Variants in LAMA4 observed in about 807,000 individuals in gnomAD.
LAMA4 encodes laminin subunit alpha-4.
LAMA4 carries 127 observed loss-of-function variants against 207.1 expected under a neutral mutation model. The observed-to-expected ratio is 0.61, with a 90% CI of 0.53 to 0.71. The LOEUF is 0.71. Among genes scored for constraint, LAMA4 ranks in the 30% least tolerant of loss-of-function variants. The pLI is 0.00. For synonymous variants in LAMA4, 761 were observed against 816.0 expected (o/e 0.93, Z 1.15); for missense variants, 2,093 against 2,246.5 (o/e 0.93, Z 1.38).
At chr6:112,213,857 T>G in intron 3 of LAMA4, 1 of 448,706 alleles carries the variant, frequency 2.2e-6, no homozygotes. Flanking sequence ...TAAGACAAAA[T>G]GAAATAAAAG....
At chr6:112,230,288 C>T (rs1297529300) in intron 2 of LAMA4, among the ~76,000 whole-genome samples, 8 of 152,162 alleles carry the variant, frequency 5.3e-5, no homozygotes, top group African/African-American at 1.9e-4. Flanking sequence ...ATTGATCTGC[C>T]ATGGGCATGA....
At chr6:112,175,287 G>A (rs1554343233) in intron 11 of LAMA4, 26 bp downstream of exon 11, 3 of 1,612,008 alleles carry the variant, frequency 1.9e-6, no homozygotes, top group South Asian at 2.2e-5. Context: ...CATGTGCTGG[G>A]TCAGCTATGA....
rs150252322 is a variant in LAMA4, at chr6:112,248,633, A to T, written c.195+5323T>A. On this transcript the variant is annotated intron_variant, in intron 2 of 38. Transcript: ENST00000230538. Reference sequence around the variant, plus strand: ...GGAATGGAATTCTTTACTTTTTAGCAATGTTATAATAAATTCCATAACATA... The same window carrying T: ...GGAATGGAATTCTTTACTTTTTAGCTATGTTATAATAAATTCCATAACATA... Among the ~76,000 whole-genome samples, 328 of 152,326 alleles carry T rather than the reference A, an allele frequency of 2.2e-3. 1 individual carries two copies. The highest frequency in any genetic ancestry group is 3.7e-3 in the Non-Finnish European group (251 of 68,032).
At chr6:112,157,758 T>C (rs1780805992) in intron 14 of LAMA4, among the ~76,000 whole-genome samples, 1 of 152,206 alleles carries the variant, frequency 6.6e-6, no homozygotes, top group South Asian at 2.1e-4. Flanking sequence ...TAATATAGTA[T>C]ATTATCAAAA....
intron 35 of LAMA4, 44 bp from the exon 36 acceptor site, chr6:112,116,037 T>C (rs1248937986): frequency 6.4e-7 from 1 of 1,553,668 alleles, no homozygotes. Flanking sequence ...AGCAAGATCA[T>C]ATTTGTAACT....
Position 112,254,131 on chromosome 6 carries a change from C to A in LAMA4, c.20G>T (p.Trp7Leu), listed in dbSNP as rs1554190577. 1.2e-6 allele frequency: 2 copies of A among 1,612,982 alleles called. No individual in the cohort carries two copies. Among genetic ancestry groups the A allele is most frequent in the Admixed American group, 1.7e-5 (1 of 60,004 alleles). The change falls in exon 2 of 39, where the codon TGG (tryptophan) becomes TTG (leucine). Residue 7 changes from tryptophan to leucine, a missense_variant. Physicochemically the swap from Trp to Leu is moderately conservative, Grantham distance 61. Around this residue, in one of 3 missense-constraint regions of LAMA4, gnomAD observed 1,704 missense variants for 1,788.4 expected, o/e 0.95. Coordinates refer to ENST00000230538, the MANE Select transcript of LAMA4 (RefSeq NM_001105206.3). The part of the protein sequence containing the change: MALSSA[W>L]RSVLPLWLLW... ...GAGCCACAGAGGCAGAACCGAGCGC[C>A]AGGCTGAGCTCAAAGCCATTTCTCC...
rs189049468 is a variant in LAMA4 at position 112,175,554 on chromosome 6, G to C, written c.1190-74C>G. 1.0e-5 allele frequency: 15 copies of C among 1,473,478 alleles called. No individual in the cohort carries two copies. The Admixed American group carries it at 2.3e-4, about 23-fold the overall frequency. The allele number at this position is 1,473,478 out of a possible 1,614,324, so 91.3% of individuals were successfully genotyped here. Reference sequence around the variant, plus strand: ...GCACTAGAAATGCAAGGGAGCAAGGGCTGTGGGCAAAGGGCAGGGCTGATC... The same window carrying C: ...GCACTAGAAATGCAAGGGAGCAAGGCCTGTGGGCAAAGGGCAGGGCTGATC... On this transcript the variant is annotated intron_variant, in intron 10 of 38. Coordinates refer to ENST00000230538, the MANE Select transcript of LAMA4 (RefSeq NM_001105206.3).
chr6:112,142,011 G>T, intron 20 of LAMA4, 108 bp downstream of exon 20: 1 of 1,050,386 alleles, frequency 9.5e-7, no homozygotes, highest in South Asian at 1.3e-5. Flanking sequence ...TGAGTTACCA[G>T]AATGGGCATT....
At chr6:112,244,658 C>T (rs1359322580) in intron 2 of LAMA4, among the ~76,000 whole-genome samples, 1 of 152,186 alleles carries the variant, frequency 6.6e-6, no homozygotes, top group African/African-American at 2.4e-5. Context: ...GACACGTGTA[C>T]TACTGCTAAT....
intron 9 of LAMA4, among the ~76,000 whole-genome samples, chr6:112,182,145 A>G (rs566966170): frequency 1.6e-4 from 24 of 151,454 alleles, no homozygotes; most frequent in African/African-American, 5.8e-4. Context: ...TTATATACAG[A>G]TGTTCAATAA....
chr6:112,200,887 T>TG (rs1191605670), intron 5 of LAMA4, among the ~76,000 whole-genome samples: 1 of 150,614 alleles, frequency 6.6e-6, no homozygotes, highest in East Asian at 2.0e-4. Flanking sequence ...TGTCAGTGGG[T>TG]GGGGGGCAAG....
intron 38 of LAMA4, among the ~76,000 whole-genome samples, chr6:112,112,671 A>G (rs1241306579): frequency 6.6e-6 from 1 of 152,162 alleles, no homozygotes; most frequent in African/African-American, 2.4e-5. Flanking sequence ...AAAGGAGAAG[A>G]GTTGCTTTGC....
chr6:112,123,811 C>T (rs1365186035), intron 31 of LAMA4, among the ~76,000 whole-genome samples: 2 of 152,190 alleles, frequency 1.3e-5, no homozygotes, highest in Non-Finnish European at 2.9e-5. Flanking sequence ...CCACCATTCC[C>T]TCTTCCCTTC....
chr6:112,232,906 C>T (rs541711895), intron 2 of LAMA4, among the ~76,000 whole-genome samples: 2 of 152,270 alleles, frequency 1.3e-5, no homozygotes, highest in South Asian at 4.1e-4. Context: ...ACAATACTTT[C>T]ATTACAGATG....
chr6:112,189,167 C>T lies in LAMA4; in HGVS notation c.757G>A (p.Gly253Arg), dbSNP rs377633183. Residue 253 changes from glycine (G) to arginine (R), a missense_variant, in exon 7 of 39, where the codon GGA becomes AGA. This residue lies in a region of LAMA4 where 1,704 missense variants were observed against 1,788.4 expected (regional missense o/e 0.95). Transcript: ENST00000230538. ...TCAAAACCTTCTTCCAAGCATTCTC[C>T]GGTTACACTGTCACATGGGCCTCCC... ...CGGGPCDSVT[G>R]ECLEEGFEPP... 1.9e-5 allele frequency: 30 copies of T among 1,613,956 alleles called. No individual in the cohort carries two copies. Among genetic ancestry groups the T allele is most frequent in the South Asian group, 5.5e-5 (5 of 91,080 alleles).
chr6:112,115,146 G>A (rs1255137162), intron 36 of LAMA4, among the ~76,000 whole-genome samples: 2 of 152,100 alleles, frequency 1.3e-5, no homozygotes, highest in East Asian at 3.8e-4. Context: ...TAAATTATAA[G>A]CGATACTGTT....
At chr6:112,134,281 C>A (rs1554330794) in intron 26 of LAMA4, among the ~76,000 whole-genome samples, 186 bp downstream of exon 26, 1 of 152,150 alleles carries the variant, frequency 6.6e-6, no homozygotes, top group Non-Finnish European at 1.5e-5. Context: ...CTATGCGATG[C>A]TAATTTCAGG....
At chr6:112,232,039 A>G (rs143709913) in intron 2 of LAMA4, among the ~76,000 whole-genome samples, 118 of 152,026 alleles carry the variant, frequency 7.8e-4, no homozygotes, top group African/African-American at 2.7e-3. Context: ...ATATTTTACA[A>G]CTCTGCTATG....
At chr6:112,154,656 A>ATTTTTT in intron 16 of LAMA4, 195 bp downstream of exon 16, 7 of 567,888 alleles carry the variant, frequency 1.2e-5, no homozygotes, top group Admixed American at 3.0e-5. Flanking sequence ...ACTACATAGC[A>ATTTTTT]TTTTTTTTTT....
Sources: gnomAD v4.1 joint callset for allele counts (sites outside exome capture counted in the v4.1 genomes callset) on GRCh38, gnomAD v4.1.1 for gene constraint, gnomAD v4.1.1 regional missense constraint, MANE v1.5 for transcripts, NCBI Gene and HGNC (gene_info 2026-07-23, HGNC 2026-07-21) for gene names.